The following ZBTB40 variants were observed in gnomAD, a reference collection of about 807,000 sequenced individuals.
ZBTB40 encodes zinc finger and BTB domain-containing protein 40.
In ZBTB40, 60 loss-of-function variants were observed where a neutral mutation model predicts 117.5. That is an observed-to-expected ratio of 0.51 (90% CI 0.41 to 0.63). The LOEUF is 0.63. Ranked by LOEUF, ZBTB40 falls within the 30% of genes least tolerant of loss-of-function variation. ZBTB40 has a pLI of 0.00. For synonymous variants in ZBTB40, 525 were observed against 577.1 expected (o/e 0.91, Z 1.29); for missense variants, 1,287 against 1,498.5 (o/e 0.86, Z 2.33).
Position 22,490,623 on chromosome 1 carries a change from AAAG to A in ZBTB40, c.680_682del (p.Lys227del). 1.2e-6 allele frequency: 2 copies of A among 1,613,756 alleles called. No homozygotes were observed. Among genetic ancestry groups the A allele is most frequent in the African/African-American group, 1.3e-5 (1 of 75,062 alleles). On this transcript the variant is annotated inframe_deletion, in exon 2 of 18. Transcript: ENST00000375647. ...CTGCTGTGCAAACCTTTAGTGAGGC[AAAG>A]AAGACAAGCACAGAACCAGGTAACA... is the stretch of plus-strand genomic sequence containing the variant.
rs564427863 is a variant in ZBTB40, at chr1:22,507,921, C to T, written c.1361-80C>T. 9.5e-5 allele frequency: 152 copies of T among 1,607,554 alleles called. No individual in the cohort carries two copies. The Middle Eastern group carries it at 1.2e-3, about 12-fold the overall frequency. On this transcript the variant is annotated intron_variant, in intron 6 of 17. Transcript: ENST00000375647. Reference sequence around the variant, plus strand: ...CCCTTGTGCTGATTGCTCTCTTCCTCTCTCATTGGTAATATCCTGGAGTCT... The same window carrying T: ...CCCTTGTGCTGATTGCTCTCTTCCTTTCTCATTGGTAATATCCTGGAGTCT...
chr1:22,523,346 T>C (rs1184325068), intron 16 of ZBTB40, among the ~76,000 whole-genome samples: 1 of 152,202 alleles, frequency 6.6e-6, no homozygotes, highest in African/African-American at 2.4e-5. Context: ...TTATTCTAAG[T>C]GCTGTTTTGG....
chr1:22,475,449 G>A (rs993262010), intron 1 of ZBTB40, among the ~76,000 whole-genome samples: 1 of 152,190 alleles, frequency 6.6e-6, no homozygotes, highest in African/African-American at 2.4e-5. Flanking sequence ...TCCAAAGCCA[G>A]GTGCGGTGCC....
In ZBTB40 at chr1:22,529,023, C is replaced by G. The variant is rs187738947; in HGVS notation, c.*2627C>G. 1 of 152,368 alleles carries G rather than the reference C, an allele frequency of 6.6e-6. No homozygotes were observed. The highest frequency in any genetic ancestry group is 6.5e-5 in the Admixed American group (1 of 15,280). 9.4% of individuals were successfully genotyped at this position (152,368 alleles called of 1,614,324 possible). Reference sequence around the variant, plus strand: ...CATCAAGAAAGAGGGGAAGGCCCTTCCCGAGTTTACTGTCTGCTCTGAGTG... The same window carrying G: ...CATCAAGAAAGAGGGGAAGGCCCTTGCCGAGTTTACTGTCTGCTCTGAGTG... On this transcript the variant is annotated 3_prime_UTR_variant, in exon 18 of 18. Coordinates refer to ENST00000375647, the MANE Select transcript of ZBTB40 (RefSeq NM_014870.4).
At chr1:22,450,965 C>T (rs1640856429), upstream of ZBTB40, among the ~76,000 whole-genome samples, 1 of 152,096 alleles carries the variant, frequency 6.6e-6, no homozygotes, top group South Asian at 2.1e-4. Flanking sequence ...AGTGGGCCAG[C>T]GCGGAGGTGA....
chr1:22,455,633 G>C (rs561917265), intron 1 of ZBTB40, among the ~76,000 whole-genome samples: 1 of 152,298 alleles, frequency 6.6e-6, no homozygotes, highest in African/African-American at 2.4e-5. Context: ...ATTTGGGTCT[G>C]TTGGGTTCCA....
At chr1:22,493,125 T>G (rs1638677753) in intron 3 of ZBTB40, among the ~76,000 whole-genome samples, 1 of 152,246 alleles carries the variant, frequency 6.6e-6, no homozygotes, top group Admixed American at 6.5e-5. Flanking sequence ...ATGTCTGTTA[T>G]ACATGCATTC....
At chr1:22,515,514 G>A (rs1194884713) in intron 12 of ZBTB40, among the ~76,000 whole-genome samples, 1 of 152,142 alleles carries the variant, frequency 6.6e-6, no homozygotes, top group East Asian at 1.9e-4. Flanking sequence ...GGCTCTAGGG[G>A]AGATCTCATT....
intron 1 of ZBTB40, among the ~76,000 whole-genome samples, chr1:22,485,114 G>A (rs2124423211): frequency 6.6e-6 from 1 of 152,206 alleles, no homozygotes; most frequent in Non-Finnish European, 1.5e-5. Flanking sequence ...TTCTTTTCTT[G>A]TAATGTCTCT....
chr1:22,525,302 G>A (rs1639646536), intron 17 of ZBTB40, among the ~76,000 whole-genome samples: 1 of 152,178 alleles, frequency 6.6e-6, no homozygotes, highest in Non-Finnish European at 1.5e-5. Context: ...AGAAAGAAAA[G>A]CAGTTTGAAA....
At chr1:22,433,304 G>T (rs929000478) in intron 1 of ZBTB40, among the ~76,000 whole-genome samples, 1 of 150,882 alleles carries the variant, frequency 6.6e-6, no homozygotes, top group Non-Finnish European at 1.5e-5. Context: ...GTGGTGGCGG[G>T]CGCCTGTAGT....
Position 22,490,497 on chromosome 1 carries a change from A to G in ZBTB40, c.549A>G (p.Ser183=). The change falls in exon 2 of 18, where the codon TCA becomes TCG. Residue 183 remains serine (S), a synonymous_variant. Transcript: ENST00000375647. ...AETEEAAHSV[S]QEMSVNSPTA... is the part of the protein sequence containing the mutation. The stretch of plus-strand genomic sequence containing the variant: ...CTGAGGAAGCAGCCCATTCAGTTTC[A>G]CAAGAGATGAGTGTGAATTCTCCCA... The G allele has an allele frequency of 6.2e-7, 1 of 1,601,320 alleles. No individual in the cohort carries two copies. The highest frequency in any genetic ancestry group is 8.5e-7 in the Non-Finnish European group (1 of 1,173,590).
chr1:22,496,118 G>A (rs545208843), intron 3 of ZBTB40, among the ~76,000 whole-genome samples: 20 of 152,336 alleles, frequency 1.3e-4, no homozygotes, highest in Non-Finnish European at 2.6e-4. Flanking sequence ...ATGAGACACA[G>A]TGGATGATTT....
At chr1:22,504,743 G>T (rs529965678) in intron 5 of ZBTB40, among the ~76,000 whole-genome samples, 24 of 152,334 alleles carry the variant, frequency 1.6e-4, no homozygotes, top group African/African-American at 5.8e-4. Context: ...GGAAAATAAG[G>T]CTTGAAGAAT....
Position 22,511,968 on chromosome 1 carries a change from G to C in ZBTB40, c.2295G>C (p.Gln765His). 6.2e-7 allele frequency: 1 copy of C among 1,614,198 alleles called. No homozygotes were observed. The highest frequency in any genetic ancestry group is 8.5e-7 in the Non-Finnish European group (1 of 1,180,042). Residue 765 changes from glutamine to histidine, a missense_variant, in exon 11 of 18, where the codon CAG becomes CAC. Gln to His is a conservative substitution (Grantham distance 24, BLOSUM62 0). Coordinates refer to ENST00000375647, the MANE Select transcript of ZBTB40 (RefSeq NM_014870.4). Reference sequence around the variant, plus strand: ...GCTGCCGGGTGGCTAAGAGCAAACAGGTGCAGTGTAAGGAGTGCAGTGAGA... The same window carrying C: ...GCTGCCGGGTGGCTAAGAGCAAACACGTGCAGTGTAAGGAGTGCAGTGAGA... ...MKRCRVAKSKQVQCKECSETK... is the reference protein window; with the variant it reads ...MKRCRVAKSKHVQCKECSETK...
At chr1:22,452,206 A>G (rs971532616) in intron 1 of ZBTB40, among the ~76,000 whole-genome samples, 4 of 152,040 alleles carry the variant, frequency 2.6e-5, no homozygotes, top group Admixed American at 2.6e-4. Flanking sequence ...GCTCTGCTGT[A>G]GACTGCGGAG....
chr1:22,522,326 G>A (rs747009801), intron 15 of ZBTB40, 51 bp from the exon 16 acceptor site: 2 of 1,590,004 alleles, frequency 1.3e-6, no homozygotes, highest in South Asian at 2.2e-5. Context: ...CAGCCTTGGA[G>A]AGCCAACCAT....
chr1:22,432,398 A>G (rs367876523), intron 1 of ZBTB40, among the ~76,000 whole-genome samples: 27 of 152,008 alleles, frequency 1.8e-4, no homozygotes, highest in African/African-American at 6.5e-4. Flanking sequence ...GGCAGCAGCT[A>G]CTCCCAACAT....
intron 12 of ZBTB40, among the ~76,000 whole-genome samples, chr1:22,514,422 C>G (rs1639323429): frequency 6.6e-6 from 1 of 152,208 alleles, no homozygotes; most frequent in African/African-American, 2.4e-5. Flanking sequence ...CCTCAGCCCT[C>G]TGTGATTAAG....
Sources: allele counts gnomAD v4.1 joint callset (sites outside exome capture counted in the v4.1 genomes callset), GRCh38; gene constraint gnomAD v4.1.1; transcripts MANE v1.5; gene names NCBI Gene and HGNC (gene_info 2026-07-23, HGNC 2026-07-21).